Variants in NPAS3 observed in about 807,000 individuals in gnomAD.
The protein encoded by NPAS3 is neuronal PAS domain protein 3, also known as neuronal PAS domain-containing protein 3.
Under a neutral mutation model 73.1 loss-of-function variants are expected in NPAS3, and 14 were observed. The observed-to-expected ratio is 0.19, with a 90% CI of 0.13 to 0.30. NPAS3 has a LOEUF of 0.30. Among genes scored for constraint, NPAS3 ranks in the 10% least tolerant of loss-of-function variants. The pLI, the probability that NPAS3 is intolerant of heterozygous loss-of-function variation, is 1.00. For missense variants in NPAS3, 1,096 were observed against 1,250.0 expected (o/e 0.88, Z 1.86); for synonymous variants, 620 against 541.5 (o/e 1.14, Z -2.01).
intron 7 of NPAS3, among the ~76,000 whole-genome samples, chr14:33,758,788 A>G (rs1009524334): frequency 1.3e-5 from 2 of 152,218 alleles, no homozygotes; most frequent in African/African-American, 4.8e-5. Flanking sequence ...AAACTGACAT[A>G]TTTGGATTGA....
rs201491446 is a variant in NPAS3, at chr14:33,354,463, G to T, written c.386-12723G>T. ...AGGCTTTTGCTGGTTCCCCGCTTCTGCCTCTTTATAAATGCAGATTTTCCC... is the reference window on the plus strand; with the variant it reads ...AGGCTTTTGCTGGTTCCCCGCTTCTTCCTCTTTATAAATGCAGATTTTCCC... On this transcript the variant is annotated intron_variant, in intron 3 of 11. Coordinates refer to ENST00000356141, the Ensembl canonical transcript of NPAS3. Among the ~76,000 whole-genome samples, 9 of 152,212 alleles carry T rather than the reference G, an allele frequency of 5.9e-5. No individual in the cohort carries two copies. The East Asian group carries it at 1.7e-3, about 29-fold the overall frequency.
At chr14:33,595,446 G>A (rs910758223) in intron 5 of NPAS3, among the ~76,000 whole-genome samples, 1 of 151,814 alleles carries the variant, frequency 6.6e-6, no homozygotes, top group Non-Finnish European at 1.5e-5. Flanking sequence ...ATATATTAAG[G>A]GCTTCTAAAA....
At chr14:33,198,107 C>T (rs1241546033) in intron 2 of NPAS3, among the ~76,000 whole-genome samples, 6 of 152,074 alleles carry the variant, frequency 3.9e-5, no homozygotes, top group African/African-American at 1.4e-4. Context: ...GTGGGGGGTT[C>T]GTGATCTCAC....
chr14:33,109,808 G>GTTT (rs1282152425), intron 2 of NPAS3, among the ~76,000 whole-genome samples: 6 of 103,762 alleles, frequency 5.8e-5, no homozygotes, highest in African/African-American at 6.9e-5. Flanking sequence ...TAATTTGCAT[G>GTTT]TCTTTTTTTT....
rs574399608 is a variant in NPAS3, at chr14:33,026,453, G to A, written c.51-29452G>A. On this transcript the variant is annotated intron_variant, in intron 1 of 11. Coordinates refer to ENST00000356141, the Ensembl canonical transcript of NPAS3. ...GTCCAGTAGCTATTCAGTTAACTTCGGTTCATGTGAATGGTTTGGGAAGAA... is the reference window on the plus strand; with the variant it reads ...GTCCAGTAGCTATTCAGTTAACTTCAGTTCATGTGAATGGTTTGGGAAGAA... Among the ~76,000 whole-genome samples the A allele has an allele frequency of 2.6e-5, 4 of 152,144 alleles. No homozygotes were observed. In the South Asian group the frequency reaches 6.2e-4, roughly 24 times the overall value.
At chr14:32,988,919 T>C (rs1009849176) in intron 1 of NPAS3, among the ~76,000 whole-genome samples, 3 of 152,232 alleles carry the variant, frequency 2.0e-5, no homozygotes, top group African/African-American at 7.2e-5. Context: ...TCAGTGCGTA[T>C]TTATTGAGTA....
At chr14:33,008,114 A>G (rs920318407) in intron 1 of NPAS3, among the ~76,000 whole-genome samples, 1 of 152,246 alleles carries the variant, frequency 6.6e-6, no homozygotes, top group Non-Finnish European at 1.5e-5. Context: ...GCTAAGAATG[A>G]TAGAGAAACA....
chr14:33,532,378 T>G (rs1360713045), intron 4 of NPAS3, among the ~76,000 whole-genome samples: 1 of 152,150 alleles, frequency 6.6e-6, no homozygotes, highest in East Asian at 1.9e-4. Flanking sequence ...ATATTCTTTC[T>G]TTCTGGGAAA....
intron 1 of NPAS3, among the ~76,000 whole-genome samples, chr14:32,995,309 A>T (rs151158548): frequency 2.0e-5 from 3 of 152,292 alleles, no homozygotes; most frequent in Non-Finnish European, 4.4e-5. Flanking sequence ...AAGCCTGGGA[A>T]TCGTGTTTGG....
chr14:33,487,911 T>C (rs561229001), intron 4 of NPAS3, among the ~76,000 whole-genome samples: 1 of 152,314 alleles, frequency 6.6e-6, no homozygotes, highest in Non-Finnish European at 1.5e-5. Flanking sequence ...TACACTTATA[T>C]CTGTCTTTCG....
chr14:33,621,118 G>A (rs1408841589), intron 5 of NPAS3, among the ~76,000 whole-genome samples: 2 of 152,048 alleles, frequency 1.3e-5, no homozygotes, highest in Non-Finnish European at 2.9e-5. Flanking sequence ...TGCAATACGT[G>A]AAAAGGTGAG....
chr14:33,303,624 C>A (rs2042640638), intron 3 of NPAS3, among the ~76,000 whole-genome samples: 1 of 152,150 alleles, frequency 6.6e-6, no homozygotes, highest in South Asian at 2.1e-4. Flanking sequence ...TTGATAGATT[C>A]TTCTAAAATT....
At chr14:33,567,801 G>A (rs1786355948) in intron 5 of NPAS3, among the ~76,000 whole-genome samples, 2 of 152,090 alleles carry the variant, frequency 1.3e-5, no homozygotes, top group South Asian at 2.1e-4. Flanking sequence ...ATTTTTAACA[G>A]GTCTTCAGAG....
rs1555416779 is a variant in NPAS3, at chr14:33,582,970, G to GTTTTTTTTTTGT, written c.558+22770_558+22771insGTTTTTTTTTTT. Among the ~76,000 whole-genome samples the GTTTTTTTTTTGT allele has an allele frequency of 3.2e-5, 3 of 93,298 alleles. No homozygotes were observed. The Admixed American group carries it at 3.3e-4, about 10-fold the overall frequency. 61.2% of individuals were successfully genotyped at this position (93,298 alleles called of 152,430 possible). A position where few individuals can be genotyped will look rare whatever the true frequency, so the allele number is the denominator to read the frequency against. On this transcript the variant is annotated intron_variant, in intron 5 of 11. Coordinates refer to ENST00000356141, the Ensembl canonical transcript of NPAS3. ...TCCTTTGGACCTAGATATTTAAAGG[G>GTTTTTTTTTTGT]TTTTTTTTTTTTTTTTGGCTACTGG... is the stretch of plus-strand genomic sequence containing the variant.
At chr14:33,323,680 T>G (rs2043562018) in intron 3 of NPAS3, among the ~76,000 whole-genome samples, 1 of 152,252 alleles carries the variant, frequency 6.6e-6, no homozygotes, top group Non-Finnish European at 1.5e-5. Flanking sequence ...CTCCTCATGA[T>G]GATTTCAAAA....
chr14:33,402,784 G>C (rs2047500271), intron 4 of NPAS3, among the ~76,000 whole-genome samples: 1 of 152,134 alleles, frequency 6.6e-6, no homozygotes, highest in South Asian at 2.1e-4. Flanking sequence ...CTAAGTGCTG[G>C]CTGTAGAGGC....
chr14:33,498,837 T>A (rs775431257), intron 4 of NPAS3, among the ~76,000 whole-genome samples: 21 of 151,704 alleles, frequency 1.4e-4, no homozygotes, highest in Non-Finnish European at 2.9e-4. Context: ...AGTATAATTT[T>A]AAAAAAAGAA....
chr14:33,392,524 G>GA (rs1237990313), intron 4 of NPAS3, among the ~76,000 whole-genome samples: 1 of 152,150 alleles, frequency 6.6e-6, no homozygotes, highest in African/African-American at 2.4e-5. Flanking sequence ...AGCTTAAGAA[G>GA]AAAAGTACTG....
At chr14:33,349,938 A>G (rs967367863) in intron 3 of NPAS3, among the ~76,000 whole-genome samples, 2 of 152,218 alleles carry the variant, frequency 1.3e-5, no homozygotes, top group African/African-American at 2.4e-5. Context: ...ACTTCGGTAC[A>G]GAAATCTCAC....
Sources: gnomAD v4.1 joint callset for allele counts (sites outside exome capture counted in the v4.1 genomes callset) on GRCh38, gnomAD v4.1.1 for gene constraint, MANE v1.5 for transcripts, NCBI Gene and HGNC (gene_info 2026-07-23, HGNC 2026-07-21) for gene names.